Variants in PADI2 observed in about 807,000 individuals in gnomAD.
PADI2 encodes peptidyl arginine deiminase 2, also known as protein-arginine deiminase type-2.
In PADI2, 70 loss-of-function variants were observed where a neutral mutation model predicts 81.1. The ratio of observed to expected loss-of-function variants is 0.86; its 90% CI spans 0.71 to 1.05. The LOEUF is 1.05. PADI2 is among the 50% of genes least tolerant of loss of function. The probability of loss-of-function intolerance (pLI) is 0.00; values close to 1 mark genes in which losing one functional copy is unlikely to be tolerated. For synonymous variants in PADI2, 338 were observed against 358.0 expected, an observed-to-expected ratio of 0.94 and a Z score of 0.63; for missense variants, 853 against 889.9, an observed-to-expected ratio of 0.96 and a Z score of 0.53.
chr1:17,107,788 G>C (rs1931436094), intron 1 of PADI2, among the ~76,000 whole-genome samples: 1 of 152,096 alleles, frequency 6.6e-6, no homozygotes, highest in Admixed American at 6.5e-5. Context: ...GGAAGGACTC[G>C]GCAGCCTGTG....
chr1:17,080,067 A>G (rs868075957), intron 10 of PADI2, among the ~76,000 whole-genome samples: 5 of 152,208 alleles, frequency 3.3e-5, no homozygotes, highest in African/African-American at 1.2e-4. Context: ...CTGGGATTAC[A>G]GGGGTGAGCC....
At chr1:17,111,437 A>C (rs1322498893) in intron 1 of PADI2, among the ~76,000 whole-genome samples, 1 of 152,094 alleles carries the variant, frequency 6.6e-6, no homozygotes, top group Non-Finnish European at 1.5e-5. Context: ...TACAGCTGTG[A>C]TAATTACTAT....
At chr1:17,083,581 G>A (rs2078362780) in intron 9 of PADI2, 145 bp downstream of exon 9, 2 of 630,582 alleles carry the variant, frequency 3.2e-6, no homozygotes, top group South Asian at 1.9e-5. Flanking sequence ...GTATGTTTAT[G>A]TCTTTGTGCA....
intron 1 of PADI2, among the ~76,000 whole-genome samples, chr1:17,108,634 C>T (rs1306490414): frequency 6.6e-6 from 1 of 151,968 alleles, no homozygotes; most frequent in African/African-American, 2.4e-5. Context: ...AAGCCGTTCC[C>T]AAGGAGAGGT....
At chr1:17,096,101 A>T in intron 3 of PADI2, 131 bp from the exon 4 acceptor site, 1 of 613,382 alleles carries the variant, frequency 1.6e-6, no homozygotes, top group Non-Finnish European at 2.9e-6. Context: ...GACCTCGCTG[A>T]AGTCATCTTA....
At chr1:17,069,686 T>C (rs1045010069) in intron 15 of PADI2, among the ~76,000 whole-genome samples, 2 of 152,230 alleles carry the variant, frequency 1.3e-5, no homozygotes, top group African/African-American at 4.8e-5. Context: ...TGTATATATG[T>C]GTCCATGCAT....
intron 3 of PADI2, among the ~76,000 whole-genome samples, chr1:17,101,473 C>G (rs997644624): frequency 6.6e-6 from 1 of 152,150 alleles, no homozygotes; most frequent in African/African-American, 2.4e-5. Context: ...TGTGTGCATG[C>G]AAGGTTCACA....
rs1463668252 is a variant in PADI2, at chr1:17,079,883, C to T, written c.1159-468G>A. 6.6e-5 allele frequency among the ~76,000 whole-genome samples: 10 copies of T among 151,878 alleles called. No homozygotes were observed. The East Asian group carries it at 1.6e-3, about 24-fold the overall frequency. ...GATCTCAGCTCATTGCAACCTGTGC[C>T]TCTTGGTTCAAGTGATTCTCCTGCC... On this transcript the variant is annotated intron_variant, in intron 10 of 15. Transcript: ENST00000375486.
chr1:17,069,937 A>C, intron 15 of PADI2, 151 bp downstream of exon 15: 1 of 789,952 alleles, frequency 1.3e-6, no homozygotes. Flanking sequence ...GGAGGCCCAG[A>C]GAGGGCAAGT....
chr1:17,119,304 G>C lies in PADI2; in HGVS notation c.68C>G (p.Thr23Ser). ...SRVEAVYVLG[T>S]YLWTDVYSAA... is the part of the protein sequence containing the mutation. ...CCTGTAGACATCGGTCCAGAGGTAG[G>C]TGCCCAGCACGTACACCGCCTCCAC... The change falls in exon 1 of 16, where the codon ACC becomes AGC. Residue 23 changes from threonine to serine, a missense_variant. Thr to Ser is a moderately conservative substitution (Grantham distance 58). Transcript: ENST00000375486. The surrounding 1 kb of genome is among the most constrained non-coding windows in gnomAD (Gnocchi z 4.8). The C allele has an allele frequency of 3.2e-6, 5 of 1,560,254 alleles. No individual in the cohort carries two copies. Among genetic ancestry groups the C allele is most frequent in the Non-Finnish European group, 4.3e-6 (5 of 1,153,524 alleles).
intron 6 of PADI2, among the ~76,000 whole-genome samples, chr1:17,087,246 T>C (rs918053034): frequency 3.3e-5 from 5 of 152,204 alleles, no homozygotes; most frequent in African/African-American, 9.6e-5. Flanking sequence ...GTGCATGGGC[T>C]GTTCATTTTT....
intron 3 of PADI2, among the ~76,000 whole-genome samples, chr1:17,102,653 G>A (rs1931182469): frequency 6.6e-6 from 1 of 151,564 alleles, no homozygotes; most frequent in Non-Finnish European, 1.5e-5. Flanking sequence ...CCATGAGAGG[G>A]ACACTCTTCT....
Position 17,086,609 on chromosome 1 carries a change from A to G in PADI2, c.746T>C (p.Leu249Pro). The G allele has an allele frequency of 6.2e-7, 1 of 1,614,062 alleles. No individual in the cohort carries two copies. Among genetic ancestry groups the G allele is most frequent in the Non-Finnish European group, 8.5e-7 (1 of 1,179,958 alleles). Reference protein sequence around the residue: ...VKYTGGSAELLFFVEGLCFPD... With the variant: ...VKYTGGSAELPFFVEGLCFPD... ...GAAACAGAGGCCTTCCACGAAGAACAGCAGCTCCGCGGAGCCACCCGTGTA... is the reference window on the plus strand; with the variant it reads ...GAAACAGAGGCCTTCCACGAAGAACGGCAGCTCCGCGGAGCCACCCGTGTA... The change falls in exon 7 of 16, where the codon CTG becomes CCG. Residue 249 changes from leucine (L) to proline (P), a missense_variant. Coordinates refer to ENST00000375486, the MANE Select transcript of PADI2 (RefSeq NM_007365.3).
chr1:17,100,045 T>TTG (rs66788067), intron 3 of PADI2, among the ~76,000 whole-genome samples: 2 of 150,368 alleles, frequency 1.3e-5, no homozygotes, highest in Non-Finnish European at 3.0e-5. Context: ...ATATTGGGGT[T>TTG]GGGGGGGGGC....
rs41306574 is a variant in PADI2, at chr1:17,068,385, C to T, written c.*659G>A. On this transcript the variant is annotated 3_prime_UTR_variant, in exon 16 of 16. Coordinates refer to ENST00000375486, the MANE Select transcript of PADI2 (RefSeq NM_007365.3). ...GATGAGGCAAAAGGAGCATCCCACA[C>T]GTGGGGAAACCTGCTCAGATGAAAT... is the stretch of plus-strand genomic sequence containing the variant. 6.7e-3 allele frequency: 1,024 copies of T among 152,854 alleles called. 7 individuals carry two copies. The highest frequency in any genetic ancestry group is 0.011 in the Non-Finnish European group (730 of 68,408). 9.5% of individuals were successfully genotyped at this position (152,854 alleles called of 1,614,324 possible).
chr1:17,083,737 G>A lies in PADI2; in HGVS notation c.1039C>T (p.Arg347Cys), dbSNP rs900462850. 1.3e-5 allele frequency: 21 copies of A among 1,610,122 alleles called. No individual in the cohort carries two copies. Among genetic ancestry groups the A allele is most frequent in the African/African-American group, 5.3e-5 (4 of 74,822 alleles). ...VCFQYLNRGD[R>C]WIQDEIEFGY... ...CCTGGGCTCCTTACCTGGATCCAGC[G>A]ATCGCCTCGGTTTAGGTACTGGAAG... is the stretch of plus-strand genomic sequence containing the variant. The change falls in exon 9 of 16, where the codon CGC becomes TGC. Residue 347 changes from arginine (R) to cysteine (C), a missense_variant. By Grantham distance (180) the Arg-to-Cys change is radical. Coordinates refer to ENST00000375486, the MANE Select transcript of PADI2 (RefSeq NM_007365.3).
chr1:17,074,725 C>T (rs1570976794), intron 13 of PADI2, 131 bp downstream of exon 13: 9 of 599,282 alleles, frequency 1.5e-5, no homozygotes, highest in Admixed American at 5.7e-5. Flanking sequence ...CACAAACCCC[C>T]GATCGGGCCA....
chr1:17,107,472 C>T (rs902067245), intron 1 of PADI2, among the ~76,000 whole-genome samples: 3 of 152,198 alleles, frequency 2.0e-5, no homozygotes, highest in Non-Finnish European at 1.5e-5. Flanking sequence ...ACCTGGAGGT[C>T]TTGTCAAAAC....
chr1:17,118,543 C>G (rs1160537725), intron 1 of PADI2, among the ~76,000 whole-genome samples: 1 of 152,094 alleles, frequency 6.6e-6, no homozygotes, highest in Non-Finnish European at 1.5e-5. Context: ...CGCACTCTAC[C>G]AAGTTCTTGG....
Sources: gnomAD v4.1 joint callset for allele counts (sites outside exome capture counted in the v4.1 genomes callset) on GRCh38, gnomAD v4.1.1 for gene constraint, Gnocchi (gnomAD v3.1) non-coding constraint, MANE v1.5 for transcripts, NCBI Gene and HGNC (gene_info 2026-07-23, HGNC 2026-07-21) for gene names.